The following PDK1 variants were observed in gnomAD, a reference collection of about 807,000 sequenced individuals.
The protein encoded by PDK1 is pyruvate dehydrogenase kinase 1.
In PDK1, 39 loss-of-function variants were observed where a neutral mutation model predicts 54.2. The ratio of observed to expected loss-of-function variants is 0.72; its 90% CI spans 0.56 to 0.94. PDK1 has a LOEUF of 0.94. PDK1 is among the 40% of genes least tolerant of loss of function. The probability of loss-of-function intolerance (pLI) is 0.00; values close to 1 mark genes in which losing one functional copy is unlikely to be tolerated. For synonymous variants in PDK1, 221 were observed against 207.1 expected, an observed-to-expected ratio of 1.07 and a Z score of -0.58; for missense variants, 552 against 566.0, an observed-to-expected ratio of 0.98 and a Z score of 0.25.
intron 2 of PDK1, among the ~76,000 whole-genome samples, chr2:172,560,789 A>G (rs924464096): frequency 6.6e-6 from 1 of 152,242 alleles, no homozygotes. Context: ...GTATACACTC[A>G]TGGAGCCACC....
At chr2:172,639,763 T>A in the PDK1 span, among the ~76,000 whole-genome samples, 1 of 152,150 alleles carries the variant, frequency 6.6e-6, no homozygotes, top group Admixed American at 6.5e-5. Flanking sequence ...CATGAAGGGA[T>A]TAGTGCCATC....
chr2:172,573,084 T>C (rs1574488425), intron 8 of PDK1, among the ~76,000 whole-genome samples: 1 of 152,218 alleles, frequency 6.6e-6, no homozygotes, highest in East Asian at 1.9e-4. Flanking sequence ...TGTGTGAACA[T>C]GTGTTTCAGT....
the PDK1 span, among the ~76,000 whole-genome samples, chr2:172,699,829 A>C: frequency 0.051 from 7,692 of 151,630 alleles, 386 homozygotes; most frequent in African/African-American, 0.13. Context: ...GGGTCACAGG[A>C]CAACAGTGGA....
chr2:172,566,802 G>A, intron 5 of PDK1, 54 bp from the exon 6 acceptor site: 1 of 1,166,908 alleles, frequency 8.6e-7, no homozygotes, highest in Non-Finnish European at 1.3e-6. Context: ...CTTAATGCGT[G>A]AAAGAGAAGT....
the PDK1 span, among the ~76,000 whole-genome samples, chr2:172,640,920 CCCTT>C: frequency 2.3e-4 from 33 of 146,612 alleles, no homozygotes; most frequent in East Asian, 1.3e-3. Context: ...TTCCTTCCCT[CCCTT>C]CCTTCCTTCC....
chr2:172,620,543 C>T, the PDK1 span, among the ~76,000 whole-genome samples: 3 of 152,096 alleles, frequency 2.0e-5, no homozygotes, highest in Admixed American at 6.6e-5. Context: ...GGCTCTGATA[C>T]GGTTTAGCTC....
At chr2:172,704,506 GTATT>G in the PDK1 span, among the ~76,000 whole-genome samples, 1 of 152,280 alleles carries the variant, frequency 6.6e-6, no homozygotes, top group South Asian at 2.1e-4. Context: ...AAGGGAAGTA[GTATT>G]TTCAGGAGAG....
chr2:172,563,639 G>C (rs541176560), intron 3 of PDK1, among the ~76,000 whole-genome samples: 1 of 152,280 alleles, frequency 6.6e-6, no homozygotes, highest in South Asian at 2.1e-4. Flanking sequence ...TTCGAGACCA[G>C]CCTGACCAAC....
At chr2:172,686,563 T>G in the PDK1 span, among the ~76,000 whole-genome samples, 1 of 151,916 alleles carries the variant, frequency 6.6e-6, no homozygotes, top group East Asian at 1.9e-4. Flanking sequence ...CGGGGACAAA[T>G]AAGGGAATAA....
intron 5 of PDK1, among the ~76,000 whole-genome samples, chr2:172,566,280 C>T (rs894213517): frequency 6.6e-6 from 1 of 152,170 alleles, no homozygotes; most frequent in East Asian, 1.9e-4. Flanking sequence ...CTGGGCCAGG[C>T]ACAGTGGCTC....
the PDK1 span, among the ~76,000 whole-genome samples, chr2:172,689,829 C>A: frequency 6.8e-6 from 1 of 147,642 alleles, no homozygotes; most frequent in African/African-American, 2.4e-5. Flanking sequence ...CCCTTCCTTA[C>A]AACTTATATA....
intron 1 of PDK1, among the ~76,000 whole-genome samples, chr2:172,557,096 A>T (rs1045153404): frequency 6.6e-6 from 1 of 152,244 alleles, no homozygotes; most frequent in Non-Finnish European, 1.5e-5. Context: ...TATCTTCTGC[A>T]TTGTGACTTC....
At chr2:172,681,092 G>T in the PDK1 span, among the ~76,000 whole-genome samples, 2 of 152,162 alleles carry the variant, frequency 1.3e-5, no homozygotes, top group Non-Finnish European at 2.9e-5. Flanking sequence ...CTCTTGTTTT[G>T]GACTGTAATA....
the PDK1 span, among the ~76,000 whole-genome samples, chr2:172,668,110 T>G: frequency 6.6e-6 from 1 of 152,212 alleles, no homozygotes; most frequent in African/African-American, 2.4e-5. Flanking sequence ...TCTCCACTTC[T>G]GTTTTCTGGA....
chr2:172,666,520 G>A, the PDK1 span, among the ~76,000 whole-genome samples: 102 of 152,310 alleles, frequency 6.7e-4, no homozygotes, highest in East Asian at 7.7e-3. Flanking sequence ...CTGCTGTGTC[G>A]TTCCCCTATT....
intron 1 of PDK1, 44 bp downstream of exon 1, chr2:172,556,390 G>T: frequency 7.6e-7 from 1 of 1,322,712 alleles, no homozygotes; most frequent in South Asian, 2.0e-5. Flanking sequence ...GCGGTCCCGG[G>T]CGGGGAGCTG....
At chr2:172,621,894 GTATGA>G in the PDK1 span, among the ~76,000 whole-genome samples, 13 of 109,542 alleles carry the variant, frequency 1.2e-4, no homozygotes, top group African/African-American at 3.9e-4. Context: ...TATCTCATAT[GTATGA>G]TATATGTTTA....
chr2:172,693,606 G>A, the PDK1 span, among the ~76,000 whole-genome samples: 1 of 152,086 alleles, frequency 6.6e-6, no homozygotes. Context: ...AAGTCCAAAT[G>A]GCAAAACGGA....
At chr2:172,630,054 G>A in the PDK1 span, among the ~76,000 whole-genome samples, 1 of 152,202 alleles carries the variant, frequency 6.6e-6, no homozygotes, top group African/African-American at 2.4e-5. Context: ...AATGGCTGCA[G>A]AAGCCTACTA....
Sources: gnomAD v4.1 joint callset for allele counts (sites outside exome capture counted in the v4.1 genomes callset) on GRCh38, gnomAD v4.1.1 for gene constraint, MANE v1.5 for transcripts, NCBI Gene and HGNC (gene_info 2026-07-23, HGNC 2026-07-21) for gene names.